Variants in PTPRD observed in about 807,000 individuals in gnomAD.
The protein encoded by PTPRD is protein tyrosine phosphatase receptor type D.
A neutral mutation model predicts 214.5 loss-of-function variants in PTPRD; 34 were observed. That is an observed-to-expected ratio of 0.16 (90% confidence interval 0.12 to 0.21). The LOEUF is 0.21. PTPRD is among the 10% of genes least tolerant of loss of function. The pLI is 1.00. For missense variants in PTPRD, 2,545 were observed against 2,398.7 expected, an observed-to-expected ratio of 1.06 and a Z score of -1.27; for synonymous variants, 1,128 against 845.7, an observed-to-expected ratio of 1.33 and a Z score of -5.79.
chr9:8,523,504 C>T lies in PTPRD; in HGVS notation c.691+9G>A, dbSNP rs1420490702. Reference sequence around the variant, plus strand: ...TGTAAGGTGGGTAAAAAGTAAAAAACACACCAACCTTCTCGCAGCTCTGAG... The same window carrying T: ...TGTAAGGTGGGTAAAAAGTAAAAAATACACCAACCTTCTCGCAGCTCTGAG... On this transcript the variant is annotated intron_variant, in intron 19 of 45. Coordinates refer to ENST00000381196, the MANE Select transcript of PTPRD (RefSeq NM_002839.4). The T allele has an allele frequency of 2.5e-6, 4 of 1,612,878 alleles. No homozygotes were observed. Among genetic ancestry groups the T allele is most frequent in the Non-Finnish European group, 3.4e-6 (4 of 1,179,406 alleles).
intron 10 of PTPRD, among the ~76,000 whole-genome samples, chr9:9,117,467 T>C (rs917305816): frequency 6.6e-6 from 1 of 152,172 alleles, no homozygotes; most frequent in Admixed American, 6.5e-5. Context: ...AGACACTATA[T>C]ATGCAGCTAT....
chr9:8,581,940 A>C (rs1230095317), intron 14 of PTPRD, among the ~76,000 whole-genome samples: 1 of 148,810 alleles, frequency 6.7e-6, no homozygotes, highest in Non-Finnish European at 1.5e-5. Context: ...AAAAAAAAAA[A>C]AAGAGGGAAA....
intron 11 of PTPRD, among the ~76,000 whole-genome samples, chr9:9,004,896 G>A (rs10816029): frequency 0.92 from 140,324 of 152,114 alleles, 65,637 homozygotes; most frequent in East Asian, 1. Flanking sequence ...CTTATTTTCA[G>A]TGTAAGTTTT....
intron 11 of PTPRD, among the ~76,000 whole-genome samples, chr9:8,810,345 G>C (rs929702416): frequency 6.6e-6 from 1 of 152,126 alleles, no homozygotes; most frequent in African/African-American, 2.4e-5. Flanking sequence ...TCTCCCTCCT[G>C]CTTGGTTACC....
intron 11 of PTPRD, among the ~76,000 whole-genome samples, chr9:8,966,037 T>C (rs1589012704): frequency 6.6e-6 from 1 of 152,104 alleles, no homozygotes; most frequent in African/African-American, 2.4e-5. Context: ...CCATTTATAA[T>C]AGCTGCACAT....
chr9:8,856,739 G>C (rs1215866022), intron 11 of PTPRD, among the ~76,000 whole-genome samples: 2 of 152,184 alleles, frequency 1.3e-5, no homozygotes, highest in African/African-American at 2.4e-5. Context: ...CCTGGTTTTG[G>C]AGAATGGAAC....
chr9:9,073,336 A>C (rs2099746548), intron 10 of PTPRD, among the ~76,000 whole-genome samples: 2 of 152,244 alleles, frequency 1.3e-5, no homozygotes, highest in Non-Finnish European at 1.5e-5. Flanking sequence ...GATGGTATGC[A>C]AATAGGACAA....
chr9:8,435,430 G>A (rs954089537), intron 35 of PTPRD, among the ~76,000 whole-genome samples: 4 of 152,138 alleles, frequency 2.6e-5, no homozygotes, highest in Admixed American at 1.3e-4. Context: ...GTAACAGGAT[G>A]TGTTAACGAC....
chr9:8,452,965 A>C (rs1315272967), intron 33 of PTPRD, among the ~76,000 whole-genome samples: 1 of 152,256 alleles, frequency 6.6e-6, no homozygotes, highest in African/African-American at 2.4e-5. Context: ...TCAATATTCA[A>C]GTAAATCAAT....
chr9:10,080,741 T>C (rs933261060), intron 3 of PTPRD, among the ~76,000 whole-genome samples: 7 of 152,110 alleles, frequency 4.6e-5, no homozygotes, highest in African/African-American at 1.7e-4. Context: ...TCCTACTCCT[T>C]AGCTAGGGAG....
chr9:9,109,140 T>C (rs1361975227), intron 10 of PTPRD, among the ~76,000 whole-genome samples: 1 of 152,194 alleles, frequency 6.6e-6, no homozygotes, highest in Admixed American at 6.6e-5. Context: ...AGTACCTCCA[T>C]ATTTATAAGA....
intron 8 of PTPRD, among the ~76,000 whole-genome samples, chr9:9,527,460 C>G (rs1228300780): frequency 1.3e-5 from 2 of 152,110 alleles, no homozygotes; most frequent in African/African-American, 2.4e-5. Flanking sequence ...GTCTCTTCAT[C>G]AGAAAATAAT....
chr9:9,672,924 T>C (rs996581822), intron 7 of PTPRD, among the ~76,000 whole-genome samples: 9 of 152,062 alleles, frequency 5.9e-5, no homozygotes, highest in African/African-American at 1.7e-4. Context: ...TTTCCTGACA[T>C]TGGTATTTGA....
chr9:8,655,615 T>A (rs2096893419), intron 12 of PTPRD, among the ~76,000 whole-genome samples: 1 of 152,116 alleles, frequency 6.6e-6, no homozygotes, highest in African/African-American at 2.4e-5. Flanking sequence ...AAGTCAGTAA[T>A]TAATGAACAA....
chr9:9,450,950 T>TACATACACACACAC (rs1555421721), intron 8 of PTPRD, among the ~76,000 whole-genome samples: 5 of 136,684 alleles, frequency 3.7e-5, no homozygotes, highest in Admixed American at 2.2e-4. Context: ...CATACATACA[T>TACATACACACACAC]ACACACACAC....
chr9:8,326,496 A>T (rs543289302), intron 44 of PTPRD, among the ~76,000 whole-genome samples: 273 of 151,412 alleles, frequency 1.8e-3, no homozygotes, highest in Non-Finnish European at 3.2e-3. Flanking sequence ...GGATTTTGGC[A>T]TCGATGTTCA....
intron 4 of PTPRD, among the ~76,000 whole-genome samples, chr9:9,969,367 T>C (rs144149495): frequency 1.3e-5 from 2 of 152,100 alleles, no homozygotes; most frequent in African/African-American, 4.8e-5. Flanking sequence ...CTCTTCTTCC[T>C]ACTCCCACCA....
intron 11 of PTPRD, among the ~76,000 whole-genome samples, chr9:8,907,177 G>A (rs553793616): frequency 1.3e-5 from 2 of 151,356 alleles, no homozygotes; most frequent in Non-Finnish European, 2.9e-5. Context: ...AAAAATAATA[G>A]AAACAATTAT....
intron 2 of PTPRD, among the ~76,000 whole-genome samples, chr9:10,489,474 C>T (rs73644470): frequency 0.055 from 8,361 of 152,180 alleles, 726 homozygotes; most frequent in African/African-American, 0.19. Context: ...ACTAGTGTCT[C>T]AGTATGGCAC....
Sources: gnomAD v4.1 joint callset for allele counts (sites outside exome capture counted in the v4.1 genomes callset) on GRCh38, gnomAD v4.1.1 for gene constraint, MANE v1.5 for transcripts, NCBI Gene and HGNC (gene_info 2026-07-23, HGNC 2026-07-21) for gene names.